Variants in XKR7 observed in about 807,000 individuals in gnomAD.
XKR7 encodes the protein XK related 7, also known as XK-related protein 7.
A neutral mutation model predicts 42.2 loss-of-function variants in XKR7; 11 were observed. The ratio of observed to expected loss-of-function variants is 0.26; its 90% CI spans 0.16 to 0.43. The LOEUF (loss-of-function observed/expected upper bound fraction) is 0.43. Among genes scored for constraint, XKR7 ranks in the 20% least tolerant of loss-of-function variants. The probability of loss-of-function intolerance (pLI) is 1.00; values close to 1 mark genes in which losing one functional copy is unlikely to be tolerated. For missense variants in XKR7, 710 were observed against 802.2 expected, an observed-to-expected ratio of 0.89 and a Z score of 1.39; for synonymous variants, 346 against 366.4, an observed-to-expected ratio of 0.94 and a Z score of 0.64.
Position 31,998,232 on chromosome 20 carries a change from C to T in XKR7, c.*775C>T, listed in dbSNP as rs2064606547. 1 of 152,122 alleles carries T rather than the reference C, an allele frequency of 6.6e-6. No homozygotes were observed. Among genetic ancestry groups the T allele is most frequent in the African/African-American group, 2.4e-5 (1 of 41,392 alleles). 9.4% of individuals were successfully genotyped at this position (152,122 alleles called of 1,614,324 possible). On this transcript the variant is annotated 3_prime_UTR_variant, in exon 3 of 3. Coordinates refer to ENST00000562532, the MANE Select transcript of XKR7 (RefSeq NM_001011718.2). ...TCTGTGAAGGATGAAGTTCCACACA[C>T]CTCAGGTGAAATGTTTGAAGGAGCC...
intron 1 of XKR7, among the ~76,000 whole-genome samples, chr20:31,975,636 G>A (rs2064481429): frequency 6.8e-6 from 1 of 146,706 alleles, no homozygotes; most frequent in Admixed American, 6.9e-5. Context: ...TGATCAAAAA[G>A]CTATACATTC....
At chr20:31,988,450 G>A (rs2122271536) in intron 1 of XKR7, among the ~76,000 whole-genome samples, 1 of 152,244 alleles carries the variant, frequency 6.6e-6, no homozygotes, top group South Asian at 2.1e-4. Flanking sequence ...TGACAGGAGG[G>A]ATTTCATACT....
intron 1 of XKR7, among the ~76,000 whole-genome samples, chr20:31,980,446 C>T (rs1411511859): frequency 2.6e-5 from 4 of 152,162 alleles, no homozygotes; most frequent in Admixed American, 2.6e-4. Context: ...CCCAATGTTT[C>T]CTAGAGAACC....
At chr20:31,989,177 TGAG>T (rs2064556880) in intron 1 of XKR7, among the ~76,000 whole-genome samples, 2 of 151,838 alleles carry the variant, frequency 1.3e-5, no homozygotes, top group African/African-American at 4.8e-5. Flanking sequence ...TGTGAGCTGA[TGAG>T]GAGCCAGCCA....
Position 31,997,407 on chromosome 20 carries a change from C to CGG in XKR7, c.1691_1692dup (p.Ser565GlyfsTer140). ...ACCTGCCACGCCCCGGTTGCAGTAC[C>CGG]GGAGTGTGGGGACTTCCCAGGAGCT... is the stretch of plus-strand genomic sequence containing the variant. On this transcript the variant is annotated frameshift_variant, in exon 3 of 3. Coordinates refer to ENST00000562532, the MANE Select transcript of XKR7 (RefSeq NM_001011718.2). LOFTEE classifies it high-confidence loss of function. 1 of 1,599,436 alleles carries CGG rather than the reference C, an allele frequency of 6.3e-7. No individual in the cohort carries two copies. The highest frequency in any genetic ancestry group is 8.5e-7 in the Non-Finnish European group (1 of 1,179,834).
At chr20:31,969,423 G>A (rs1419795768) in intron 1 of XKR7, among the ~76,000 whole-genome samples, 1 of 152,180 alleles carries the variant, frequency 6.6e-6, no homozygotes, top group Non-Finnish European at 1.5e-5. Context: ...AGATTAGATG[G>A]CCACTGGCTG....
At chr20:31,971,184 C>T (rs937823391) in intron 1 of XKR7, among the ~76,000 whole-genome samples, 7 of 138,632 alleles carry the variant, frequency 5.0e-5, no homozygotes, top group East Asian at 1.9e-4. Flanking sequence ...TGGGTGAGGA[C>T]GGGAACAGTG....
At position 31,996,964 on chromosome 20, in the gene XKR7, T is replaced by G; in HGVS notation, c.1247T>G (p.Ile416Ser). The G allele has an allele frequency of 6.2e-7, 1 of 1,614,150 alleles. No individual in the cohort carries two copies. Among genetic ancestry groups the G allele is most frequent in the Non-Finnish European group, 8.5e-7 (1 of 1,180,040 alleles). ...TTCTCAACCGACTTCTACTCGCTCA[T>G]CATGGTCTGCGTAGTGGCCTCCAGC... ...RNFSTDFYSLIMVCVVASSFA... is the reference protein window; with the variant it reads ...RNFSTDFYSLSMVCVVASSFA... Residue 416 changes from isoleucine (I) to serine (S), a missense_variant, in exon 3 of 3, where the codon ATC (isoleucine) becomes AGC (serine). Ile to Ser is a moderately radical substitution (Grantham distance 142). Coordinates refer to ENST00000562532, the MANE Select transcript of XKR7 (RefSeq NM_001011718.2).
chr20:32,001,112 A>C lies in XKR7; in HGVS notation c.*3655A>C, dbSNP rs921442094. 6.6e-6 allele frequency: 1 copy of C among 152,276 alleles called. No individual in the cohort carries two copies. Among genetic ancestry groups the C allele is most frequent in the African/African-American group, 2.4e-5 (1 of 41,454 alleles). The allele number at this position is 152,276 out of a possible 1,614,324, so 9.4% of individuals were successfully genotyped here. ...AATATCCAGGGAAGGTCTCGCTTGC[A>C]GTCAACACCCTCCTAAGTACTCGAG... On this transcript the variant is annotated 3_prime_UTR_variant, in exon 3 of 3. Coordinates refer to ENST00000562532, the MANE Select transcript of XKR7 (RefSeq NM_001011718.2).
intron 1 of XKR7, among the ~76,000 whole-genome samples, chr20:31,982,657 C>T (rs1040259290): frequency 3.9e-5 from 6 of 151,984 alleles, no homozygotes; most frequent in Admixed American, 3.3e-4. Context: ...TAGCGAAGTA[C>T]ATATAAAAGG....
chr20:31,990,179 C>CGTGTGTGTGT (rs56235886), intron 1 of XKR7, among the ~76,000 whole-genome samples: 1,833 of 144,222 alleles, frequency 0.013, 42 homozygotes, highest in African/African-American at 0.045. Context: ...AAATTCATTG[C>CGTGTGTGTGT]GTGTGTGTGT....
Position 32,002,490 on chromosome 20 carries a change from C to T in XKR7, c.*5033C>T, listed in dbSNP as rs549478254. The T allele has an allele frequency of 1.3e-5, 2 of 152,284 alleles. No homozygotes were observed. The highest frequency in any genetic ancestry group is 2.1e-4 in the South Asian group (1 of 4,826). 9.4% of individuals were successfully genotyped at this position (152,284 alleles called of 1,614,324 possible). On this transcript the variant is annotated 3_prime_UTR_variant, in exon 3 of 3. Coordinates refer to ENST00000562532, the MANE Select transcript of XKR7 (RefSeq NM_001011718.2). ...CCTGGTCTCCATTGTGCTAAACCAC[C>T]GAACTTGGAGGAGCCTCATATAAAC...
intron 1 of XKR7, among the ~76,000 whole-genome samples, chr20:31,973,757 G>A (rs367913309): frequency 3.9e-5 from 6 of 152,312 alleles, no homozygotes; most frequent in Non-Finnish European, 7.4e-5. Context: ...TGGCAGGGGC[G>A]AGGTCATGCA....
chr20:31,994,083 A>G (rs947698967), intron 1 of XKR7, among the ~76,000 whole-genome samples: 16 of 152,120 alleles, frequency 1.1e-4, no homozygotes, highest in Non-Finnish European at 1.9e-4. Context: ...TGCCAAGGAA[A>G]AGTGTCTGTG....
Position 31,995,409 on chromosome 20 carries a change from C to T in XKR7, c.787+139C>T. 1 of 1,386,194 alleles carries T rather than the reference C, an allele frequency of 7.2e-7. No homozygotes were observed. Among genetic ancestry groups the T allele is most frequent in the South Asian group, 1.3e-5 (1 of 74,282 alleles). The allele number at this position is 1,386,194 out of a possible 1,614,324, so 85.9% of individuals were successfully genotyped here. ...TCAGTCAGGGTTTAGGGAGGCCTGC[C>T]CCTTCTACCCTCACCACCCTCCAGG... On this transcript the variant is annotated intron_variant, in intron 2 of 2. Coordinates refer to ENST00000562532, the MANE Select transcript of XKR7 (RefSeq NM_001011718.2). This position sits in a 1 kb window ranked among gnomAD's most constrained non-coding sequence, Gnocchi z 4.1.
Position 31,995,053 on chromosome 20 carries a change from G to GCGTCCTTCC in XKR7, c.585-12_585-4dup, listed in dbSNP as rs1424761512. The GCGTCCTTCC allele has an allele frequency of 1.3e-6, 2 of 1,541,290 alleles. No homozygotes were observed. The highest frequency in any genetic ancestry group is 2.8e-5 in the African/African-American group (2 of 72,452). On this transcript the variant is annotated splice_polypyrimidine_tract_variant and intron_variant, in intron 1 of 2. Transcript: ENST00000562532. This position sits in a 1 kb window ranked among gnomAD's most constrained non-coding sequence, Gnocchi z 4.1. ...ACCAGCGCGCGGGAGCCTGAGCACC[G>GCGTCCTTCC]CGTCCTTCCCGCAGGTACCTGCGCG... is the stretch of plus-strand genomic sequence containing the variant.
At chr20:31,985,422 A>G (rs2122266129) in intron 1 of XKR7, among the ~76,000 whole-genome samples, 1 of 152,132 alleles carries the variant, frequency 6.6e-6, no homozygotes, top group South Asian at 2.1e-4. Context: ...AGACAGAGAG[A>G]GACCCAGAGT....
chr20:31,995,018 A>C lies in XKR7; in HGVS notation c.585-50A>C. Reference sequence around the variant, plus strand: ...GGGCGGCTCGGGGCTGGTGCGACAGAGCGAGAGGAACCAGCGCGCGGGAGC... The same window carrying C: ...GGGCGGCTCGGGGCTGGTGCGACAGCGCGAGAGGAACCAGCGCGCGGGAGC... On this transcript the variant is annotated intron_variant, in intron 1 of 2. Transcript: ENST00000562532. The surrounding 1 kb of genome is among the most constrained non-coding windows in gnomAD (Gnocchi z 4.1). 6.5e-7 allele frequency: 1 copy of C among 1,537,424 alleles called. No homozygotes were observed. Among genetic ancestry groups the C allele is most frequent in the Admixed American group, 2.0e-5 (1 of 50,162 alleles).
intron 1 of XKR7, among the ~76,000 whole-genome samples, chr20:31,982,878 T>C (rs1032595560): frequency 3.3e-5 from 5 of 152,158 alleles, no homozygotes; most frequent in African/African-American, 1.2e-4. Flanking sequence ...TTCAAAAAGC[T>C]CCTTGAAACC....
Sources: allele counts gnomAD v4.1 joint callset (sites outside exome capture counted in the v4.1 genomes callset), GRCh38; gene constraint gnomAD v4.1.1; non-coding constraint Gnocchi (gnomAD v3.1); transcripts MANE v1.5; gene names NCBI Gene and HGNC (gene_info 2026-07-23, HGNC 2026-07-21).